CYBRD1: variants seen among roughly 807,000 people sequenced by gnomAD.
CYBRD1 encodes the protein plasma membrane ascorbate-dependent reductase CYBRD1.
Under a neutral mutation model 21.9 loss-of-function variants are expected in CYBRD1, and 14 were observed. The ratio of observed to expected loss-of-function variants is 0.64; its 90% CI spans 0.42 to 1.00. The LOEUF is 1.00. Among genes scored for constraint, CYBRD1 ranks in the 50% least tolerant of loss-of-function variants. The pLI is 0.00. For missense variants in CYBRD1, 328 were observed against 352.5 expected (o/e 0.93, Z 0.56); for synonymous variants, 146 against 136.5 (o/e 1.07, Z -0.48).
At chr2:171,523,012 G>A in intron 1 of CYBRD1, 2 of 495,408 alleles carry the variant, frequency 4.0e-6, no homozygotes, top group Non-Finnish European at 7.2e-6. Flanking sequence ...GCGGAGCGGG[G>A]CCGGCCCCAC....
chr2:171,533,879 A>AT (rs1198609708), intron 1 of CYBRD1, among the ~76,000 whole-genome samples: 1 of 141,972 alleles, frequency 7.0e-6, no homozygotes. Flanking sequence ...TAATTTTTCT[A>AT]TTTTTTTATA....
At chr2:171,554,212 T>C (rs1179001051) in intron 3 of CYBRD1, among the ~76,000 whole-genome samples, 1 of 152,154 alleles carries the variant, frequency 6.6e-6, no homozygotes, top group Non-Finnish European at 1.5e-5. Context: ...ATGTGGAAAG[T>C]TGGGGTTTTC....
chr2:171,550,464 C>A (rs1051904684), intron 2 of CYBRD1, among the ~76,000 whole-genome samples: 1 of 151,932 alleles, frequency 6.6e-6, no homozygotes, highest in Admixed American at 6.6e-5. Flanking sequence ...TTATAATTTT[C>A]GGTCCACTAG....
chr2:171,524,154 C>G (rs1017062438), intron 1 of CYBRD1, among the ~76,000 whole-genome samples: 6 of 152,106 alleles, frequency 3.9e-5, no homozygotes, highest in Non-Finnish European at 5.9e-5. Context: ...GTTACTAACC[C>G]TCAGCATTCA....
chr2:171,524,384 G>A (rs1225878460), intron 1 of CYBRD1, among the ~76,000 whole-genome samples: 1 of 152,194 alleles, frequency 6.6e-6, no homozygotes, highest in Non-Finnish European at 1.5e-5. Flanking sequence ...CACCTTGTTT[G>A]CTCAAAGAGT....
In CYBRD1 at chr2:171,522,495, G is replaced by A. The variant is rs1697321110; in HGVS notation, c.-51G>A. 3 of 1,554,278 alleles carry A rather than the reference G, an allele frequency of 1.9e-6. No individual in the cohort carries two copies. The highest frequency in any genetic ancestry group is 2.6e-6 in the Non-Finnish European group (3 of 1,150,538). On this transcript the variant is annotated 5_prime_UTR_variant, in exon 1 of 4. Transcript: ENST00000321348. The surrounding 1 kb of genome is among the most constrained non-coding windows in gnomAD (Gnocchi z 4.3). ...CCCGGCCACTACCCAGAGGGCTGCCGCCGCCTCTCCAAGTTCTTGTGGCCC... is the reference window on the plus strand; with the variant it reads ...CCCGGCCACTACCCAGAGGGCTGCCACCGCCTCTCCAAGTTCTTGTGGCCC...
chr2:171,532,526 A>G (rs1321882903), intron 1 of CYBRD1, among the ~76,000 whole-genome samples: 2 of 152,202 alleles, frequency 1.3e-5, no homozygotes, highest in Admixed American at 6.5e-5. Flanking sequence ...TGGGCCTGGC[A>G]TGGTGGCTTA....
At chr2:171,548,226 T>A (rs1232137690) in intron 2 of CYBRD1, among the ~76,000 whole-genome samples, 4 of 152,176 alleles carry the variant, frequency 2.6e-5, no homozygotes, top group Non-Finnish European at 4.4e-5. Flanking sequence ...AACAGCAGCA[T>A]TAGCATCACT....
At chr2:171,538,435 A>G (rs1329859401) in intron 1 of CYBRD1, among the ~76,000 whole-genome samples, 1 of 152,180 alleles carries the variant, frequency 6.6e-6, no homozygotes, top group Non-Finnish European at 1.5e-5. Flanking sequence ...TTAAAAGTGT[A>G]CTTTTTAAGG....
Position 171,527,394 on chromosome 2 carries a change from G to A in CYBRD1, c.193+4656G>A, listed in dbSNP as rs74641026. On this transcript the variant is annotated intron_variant, in intron 1 of 3. Coordinates refer to ENST00000321348, the MANE Select transcript of CYBRD1 (RefSeq NM_024843.4). ...CTGGCACATGGTAGACGAGTAAGTG[G>A]TTGTTGAATGAATGAGTGATTATTT... Among the ~76,000 whole-genome samples the A allele has an allele frequency of 1.1e-3, 162 of 152,310 alleles. 3 individuals carry two copies. The highest frequency in any genetic ancestry group is 9.3e-3 in the East Asian group (48 of 5,186).
At chr2:171,523,462 A>G (rs543738959) in intron 1 of CYBRD1, 1 of 190,098 alleles carries the variant, frequency 5.3e-6, no homozygotes, top group South Asian at 7.7e-5. Context: ...CTTGAGCCCG[A>G]CTTGTTTATG....
At chr2:171,550,464 C>T (rs1051904684) in intron 2 of CYBRD1, among the ~76,000 whole-genome samples, 23 of 151,932 alleles carry the variant, frequency 1.5e-4, no homozygotes, top group African/African-American at 5.1e-4. Flanking sequence ...TTATAATTTT[C>T]GGTCCACTAG....
At chr2:171,541,442 G>C (rs1697629243) in intron 1 of CYBRD1, 143 bp from the exon 2 acceptor site, 3 of 757,268 alleles carry the variant, frequency 4.0e-6, no homozygotes, top group East Asian at 2.7e-5. Context: ...CTGAGAGGCA[G>C]GGGTAACATG....
chr2:171,546,541 G>A (rs1275744783), intron 2 of CYBRD1, among the ~76,000 whole-genome samples: 1 of 152,172 alleles, frequency 6.6e-6, no homozygotes, highest in Non-Finnish European at 1.5e-5. Context: ...ATATTCAGCA[G>A]TGAACCGAAT....
At chr2:171,553,781 T>C (rs968663905) in intron 3 of CYBRD1, among the ~76,000 whole-genome samples, 1 of 152,208 alleles carries the variant, frequency 6.6e-6, no homozygotes, top group Non-Finnish European at 1.5e-5. Flanking sequence ...ATTGTAATTA[T>C]AGTGTACATA....
intron 1 of CYBRD1, among the ~76,000 whole-genome samples, chr2:171,527,880 C>G (rs1022350685): frequency 9.2e-5 from 14 of 152,104 alleles, no homozygotes; most frequent in Admixed American, 3.9e-4. Flanking sequence ...TCCATACCTG[C>G]AGTTTCTAGT....
In CYBRD1 at chr2:171,554,891, C is replaced by T; in HGVS notation, c.*64C>T. Reference sequence around the variant, plus strand: ...AAACTAGCTCTACAGTTTTGCTTCTCCTATTAGCCATATGATAATTGGGCT... The same window carrying T: ...AAACTAGCTCTACAGTTTTGCTTCTTCTATTAGCCATATGATAATTGGGCT... On this transcript the variant is annotated 3_prime_UTR_variant, in exon 4 of 4. Coordinates refer to ENST00000321348, the MANE Select transcript of CYBRD1 (RefSeq NM_024843.4). The T allele has an allele frequency of 3.9e-6, 6 of 1,534,866 alleles. No individual in the cohort carries two copies. Among genetic ancestry groups the T allele is most frequent in the Non-Finnish European group, 5.4e-6 (6 of 1,114,532 alleles).
Position 171,522,640 on chromosome 2 carries a change from T to C in CYBRD1, c.95T>C (p.Leu32Pro), listed in dbSNP as rs746335457. ...GTGATCTTCGCCCTCGTCTGGGTCC[T>C]CCACTACCGAGAGGGGCTTGGCTGG... ...LSVIFALVWV[L>P]HYREGLGWDG... is the part of the protein sequence containing the mutation. Residue 32 changes from leucine (L) to proline (P), a missense_variant, in exon 1 of 4, where the codon CTC becomes CCC. Transcript: ENST00000321348. The surrounding 1 kb of genome is among the most constrained non-coding windows in gnomAD (Gnocchi z 4.3). The C allele has an allele frequency of 6.2e-7, 1 of 1,613,390 alleles. No homozygotes were observed. Among genetic ancestry groups the C allele is most frequent in the Non-Finnish European group, 8.5e-7 (1 of 1,179,888 alleles).
chr2:171,551,566 T>C (rs1458915229), intron 2 of CYBRD1, among the ~76,000 whole-genome samples: 1 of 152,226 alleles, frequency 6.6e-6, no homozygotes, highest in African/African-American at 2.4e-5. Context: ...TTAGAATCAA[T>C]GCATCAAATT....
Sources: allele counts gnomAD v4.1 joint callset (sites outside exome capture counted in the v4.1 genomes callset), GRCh38; gene constraint gnomAD v4.1.1; non-coding constraint Gnocchi (gnomAD v3.1); transcripts MANE v1.5; gene names NCBI Gene and HGNC (gene_info 2026-07-23, HGNC 2026-07-21).